The following STK32B variants were observed in gnomAD, a reference collection of about 807,000 sequenced individuals.
The protein encoded by STK32B is serine/threonine-protein kinase 32B.
In STK32B, 43 loss-of-function variants were observed where a neutral mutation model predicts 52.6. The ratio of observed to expected loss-of-function variants is 0.82; its 90% CI spans 0.64 to 1.05. The LOEUF is 1.05. STK32B is among the 50% of genes least tolerant of loss of function. The pLI, the probability that STK32B is intolerant of heterozygous loss-of-function variation, is 0.00. For missense variants in STK32B, 621 were observed against 534.6 expected, an observed-to-expected ratio of 1.16 and a Z score of -1.59; for synonymous variants, 238 against 204.3, an observed-to-expected ratio of 1.17 and a Z score of -1.41.
In STK32B at chr4:5,360,135, G is replaced by A. The variant is rs536630423; in HGVS notation, c.434+28742G>A. Reference sequence around the variant, plus strand: ...CCAATGGAAGCTCAGATAACCCGCCGTATACCTCTTTTGGCCAAACCAGCC... The same window carrying A: ...CCAATGGAAGCTCAGATAACCCGCCATATACCTCTTTTGGCCAAACCAGCC... On this transcript the variant is annotated intron_variant, in intron 4 of 11. Transcript: ENST00000282908. 5.9e-5 allele frequency among the ~76,000 whole-genome samples: 9 copies of A among 152,214 alleles called. No individual in the cohort carries two copies. In the South Asian group the frequency reaches 1.0e-3, roughly 18 times the overall value.
intron 3 of STK32B, among the ~76,000 whole-genome samples, chr4:5,177,079 A>G (rs1290829842): frequency 6.6e-6 from 1 of 152,186 alleles, no homozygotes; most frequent in Non-Finnish European, 1.5e-5. Flanking sequence ...GTTCACCGTA[A>G]GAGGTTATAT....
the STK32B span, among the ~76,000 whole-genome samples, chr4:5,028,232 TA>T: frequency 2.6e-5 from 4 of 152,188 alleles, no homozygotes; most frequent in African/African-American, 9.7e-5. Context: ...CTCATGGGCT[TA>T]AGTCATCCTC....
At chr4:5,405,395 C>T (rs1389265818) in intron 5 of STK32B, among the ~76,000 whole-genome samples, 2 of 152,132 alleles carry the variant, frequency 1.3e-5, no homozygotes, top group East Asian at 3.9e-4. Flanking sequence ...ACTTCACCTC[C>T]CTTGGTGAGG....
chr4:5,146,983 A>G (rs959152876), intron 2 of STK32B, among the ~76,000 whole-genome samples: 8 of 152,242 alleles, frequency 5.3e-5, no homozygotes, highest in Non-Finnish European at 2.9e-5. Flanking sequence ...AAATCTGTAT[A>G]TCAATTTGGA....
intron 1 of STK32B, among the ~76,000 whole-genome samples, chr4:5,092,688 A>G (rs1713158836): frequency 6.6e-6 from 1 of 152,058 alleles, no homozygotes; most frequent in Non-Finnish European, 1.5e-5. Flanking sequence ...GCAGCAAGGG[A>G]TGGTTGGGGT....
chr4:5,272,633 C>T (rs550830413), intron 3 of STK32B, among the ~76,000 whole-genome samples: 20 of 152,108 alleles, frequency 1.3e-4, no homozygotes, highest in African/African-American at 4.3e-4. Context: ...GTGCTGGTAC[C>T]AAAACAGAGA....
intron 3 of STK32B, among the ~76,000 whole-genome samples, chr4:5,289,843 G>A (rs1369489899): frequency 6.6e-6 from 1 of 151,786 alleles, no homozygotes; most frequent in Non-Finnish European, 1.5e-5. Context: ...ACCACGCCCG[G>A]CCTATTTTAT....
At chr4:5,236,732 C>T (rs777253750) in intron 3 of STK32B, among the ~76,000 whole-genome samples, 15 of 152,192 alleles carry the variant, frequency 9.9e-5, no homozygotes, top group African/African-American at 1.4e-4. Flanking sequence ...CGTTGCTATA[C>T]GGTATTGTGT....
the STK32B span, among the ~76,000 whole-genome samples, chr4:5,042,757 T>C: frequency 1.3e-5 from 2 of 152,182 alleles, no homozygotes; most frequent in Admixed American, 1.3e-4. Flanking sequence ...GTTAAATGCA[T>C]GATCCCGTCC....
intron 11 of STK32B, among the ~76,000 whole-genome samples, chr4:5,486,581 A>G (rs1719230111): frequency 6.6e-6 from 1 of 152,094 alleles, no homozygotes; most frequent in Non-Finnish European, 1.5e-5. Flanking sequence ...GGTGCGCTGC[A>G]CCCACTGTCC....
intron 3 of STK32B, among the ~76,000 whole-genome samples, chr4:5,230,437 G>T (rs996172404): frequency 4.0e-5 from 6 of 151,898 alleles, no homozygotes; most frequent in East Asian, 1.9e-4. Context: ...TGATCCACCC[G>T]CTTTGGCCTC....
intron 3 of STK32B, among the ~76,000 whole-genome samples, chr4:5,196,394 A>T (rs1721670303): frequency 1.8e-5 from 2 of 113,284 alleles, no homozygotes; most frequent in Non-Finnish European, 1.7e-5. Flanking sequence ...TTTTGTTCTG[A>T]ACGTATGTAA....
intron 6 of STK32B, among the ~76,000 whole-genome samples, chr4:5,432,613 C>G (rs1713688126): frequency 6.6e-6 from 1 of 151,962 alleles, no homozygotes; most frequent in South Asian, 2.1e-4. Flanking sequence ...ATTGATGATT[C>G]AAAATATAGT....
intron 10 of STK32B, 31 bp downstream of exon 10, chr4:5,466,865 A>C (rs762051752): frequency 3.1e-6 from 5 of 1,606,062 alleles, no homozygotes; most frequent in Non-Finnish European, 4.3e-6. Context: ...GTTCCGGGAG[A>C]GAAATCCTGT....
chr4:5,418,062 C>G (rs1467700266), intron 6 of STK32B, among the ~76,000 whole-genome samples: 1 of 152,222 alleles, frequency 6.6e-6, no homozygotes, highest in Non-Finnish European at 1.5e-5. Context: ...TTGGCCAAGG[C>G]AAGTCACATA....
intron 3 of STK32B, among the ~76,000 whole-genome samples, chr4:5,329,752 G>A (rs1382991575): frequency 1.3e-5 from 2 of 152,194 alleles, no homozygotes; most frequent in Admixed American, 6.5e-5. Flanking sequence ...GCAATAAACA[G>A]CCCCCTTCCT....
chr4:5,280,523 A>G lies in STK32B; in HGVS notation c.261-50697A>G, dbSNP rs373860614. ...TTTGCAGTTCCAAACCTGCTTGCAC[A>G]TTCTCAGGTATCTTTATAGAAATGC... is the stretch of plus-strand genomic sequence containing the variant. On this transcript the variant is annotated intron_variant, in intron 3 of 11. Coordinates refer to ENST00000282908, the MANE Select transcript of STK32B (RefSeq NM_018401.3). 1.0e-3 allele frequency among the ~76,000 whole-genome samples: 155 copies of G among 152,260 alleles called. No individual in the cohort carries two copies. The Middle Eastern group carries it at 0.014, about 13-fold the overall frequency.
At chr4:5,102,293 C>T (rs1168056604) in intron 1 of STK32B, among the ~76,000 whole-genome samples, 1 of 152,174 alleles carries the variant, frequency 6.6e-6, no homozygotes, top group Non-Finnish European at 1.5e-5. Context: ...ACCATGAGCT[C>T]CTCTGAGAGG....
chr4:5,408,418 G>A lies in STK32B; in HGVS notation c.473-8427G>A, dbSNP rs576272484. Reference sequence around the variant, plus strand: ...CATGTGACTTGTCTGCCTCCCCTTCGCCTTTCACCATGATTGTACATTTTC... The same window carrying A: ...CATGTGACTTGTCTGCCTCCCCTTCACCTTTCACCATGATTGTACATTTTC... On this transcript the variant is annotated intron_variant, in intron 5 of 11. Coordinates refer to ENST00000282908, the MANE Select transcript of STK32B (RefSeq NM_018401.3). Among the ~76,000 whole-genome samples the A allele has an allele frequency of 4.6e-5, 7 of 152,070 alleles. No individual in the cohort carries two copies. The South Asian group carries it at 8.3e-4, about 18-fold the overall frequency.
Sources: gnomAD v4.1 joint callset for allele counts (sites outside exome capture counted in the v4.1 genomes callset) on GRCh38, gnomAD v4.1.1 for gene constraint, MANE v1.5 for transcripts, NCBI Gene and HGNC (gene_info 2026-07-23, HGNC 2026-07-21) for gene names.